Variants in CTNNA2 observed in about 807,000 individuals in gnomAD.
CTNNA2 encodes catenin alpha 2.
A neutral mutation model predicts 101.0 loss-of-function variants in CTNNA2; 42 were observed. The observed-to-expected ratio is 0.42, with a 90% CI of 0.32 to 0.54. CTNNA2 has a LOEUF of 0.54. Ranked by LOEUF, CTNNA2 falls within the 20% of genes least tolerant of loss-of-function variation. CTNNA2 has a pLI of 0.14. For missense variants in CTNNA2, 871 were observed against 1,223.1 expected, an observed-to-expected ratio of 0.71 and a Z score of 4.29; for synonymous variants, 450 against 456.4, an observed-to-expected ratio of 0.99 and a Z score of 0.18.
chr2:79,969,286 C>T (rs1690308671), intron 7 of CTNNA2, among the ~76,000 whole-genome samples: 1 of 152,168 alleles, frequency 6.6e-6, no homozygotes, highest in African/African-American at 2.4e-5. Context: ...TTTGGGGGAA[C>T]AACAAACTAA....
intron 4 of CTNNA2, among the ~76,000 whole-genome samples, chr2:79,467,082 C>G (rs910901288): frequency 6.6e-6 from 1 of 152,148 alleles, no homozygotes; most frequent in African/African-American, 2.4e-5. Context: ...CTTCTCTGAG[C>G]TAAAGGAGGA....
At chr2:80,087,797 T>A (rs189509792) in intron 7 of CTNNA2, among the ~76,000 whole-genome samples, 1 of 151,940 alleles carries the variant, frequency 6.6e-6, no homozygotes, top group East Asian at 1.9e-4. Context: ...CCTCTTGGAG[T>A]AGCAAGGGAG....
At chr2:79,809,417 G>C (rs1676833990) in intron 3 of CTNNA2, among the ~76,000 whole-genome samples, 1 of 152,176 alleles carries the variant, frequency 6.6e-6, no homozygotes, top group Admixed American at 6.5e-5. Context: ...CAGTGTAAAA[G>C]CATTCCTATT....
intron 9 of CTNNA2, among the ~76,000 whole-genome samples, chr2:80,503,781 G>A (rs1688058874): frequency 6.6e-6 from 1 of 152,066 alleles, no homozygotes. Flanking sequence ...GAGGATCAGG[G>A]AAGCTGGAGA....
chr2:80,068,882 A>T (rs1698150216), intron 7 of CTNNA2, among the ~76,000 whole-genome samples: 1 of 152,182 alleles, frequency 6.6e-6, no homozygotes, highest in African/African-American at 2.4e-5. Context: ...TGGTCCATGG[A>T]TGGATGAAAA....
At chr2:79,952,338 A>G (rs1442483219) in intron 7 of CTNNA2, among the ~76,000 whole-genome samples, 1 of 152,136 alleles carries the variant, frequency 6.6e-6, no homozygotes, top group African/African-American at 2.4e-5. Flanking sequence ...AGCAACAACA[A>G]CAACAACCGA....
rs372964896 is a variant in CTNNA2 at position 79,548,327 on chromosome 2, T to C, written c.-6+35120T>C. ...CTTTGTTTTGTGTGAATGTTTCTTA[T>C]CTTAAATGTTTCTTCTCATTTTCCT... On this transcript the variant is annotated intron_variant, in intron 1 of 18. Coordinates refer to ENST00000402739, the MANE Select transcript of CTNNA2 (RefSeq NM_001282597.3). Among the ~76,000 whole-genome samples the C allele has an allele frequency of 8.5e-5, 13 of 152,362 alleles. No individual in the cohort carries two copies. In the East Asian group the frequency reaches 1.7e-3, roughly 20 times the overall value.
At chr2:80,534,001 T>C (rs1362866795) in intron 9 of CTNNA2, among the ~76,000 whole-genome samples, 1 of 152,174 alleles carries the variant, frequency 6.6e-6, no homozygotes, top group Non-Finnish European at 1.5e-5. Flanking sequence ...CATAGATTTA[T>C]GCTGAGTGAT....
intron 7 of CTNNA2, among the ~76,000 whole-genome samples, chr2:80,366,098 C>A (rs1014219995): frequency 2.0e-5 from 3 of 152,100 alleles, no homozygotes; most frequent in African/African-American, 7.2e-5. Context: ...ACTTAACATC[C>A]CAAATACCAG....
intron 9 of CTNNA2, among the ~76,000 whole-genome samples, chr2:80,543,700 T>C (rs1022870947): frequency 1.2e-4 from 18 of 152,180 alleles, no homozygotes; most frequent in Non-Finnish European, 5.9e-5. Flanking sequence ...CCTGTACTCT[T>C]CTCACTATGT....
intron 7 of CTNNA2, among the ~76,000 whole-genome samples, chr2:80,295,112 T>C (rs1033600234): frequency 1.7e-4 from 26 of 151,976 alleles, no homozygotes; most frequent in African/African-American, 6.3e-4. Context: ...AATCTCTCTT[T>C]CTCTCTCTTT....
At chr2:80,505,995 T>A (rs527820698) in intron 9 of CTNNA2, among the ~76,000 whole-genome samples, 1 of 152,220 alleles carries the variant, frequency 6.6e-6, no homozygotes, top group Non-Finnish European at 1.5e-5. Context: ...TTTTACTAGA[T>A]GTCACGTATT....
chr2:79,559,925 AC>A (rs1297342662), intron 1 of CTNNA2, among the ~76,000 whole-genome samples: 2 of 150,582 alleles, frequency 1.3e-5, no homozygotes, highest in Non-Finnish European at 3.0e-5. Flanking sequence ...TCTGAAAAAC[AC>A]CCGATTTACA....
At chr2:79,566,525 A>G (rs1190365868) in intron 1 of CTNNA2, among the ~76,000 whole-genome samples, 8 of 152,166 alleles carry the variant, frequency 5.3e-5, no homozygotes, top group Admixed American at 5.2e-4. Flanking sequence ...GAAATTGTAT[A>G]TTGATATGCA....
At chr2:79,646,524 C>CTTTTTTTTTTTTTTT (rs67454188) in intron 1 of CTNNA2, among the ~76,000 whole-genome samples, 4 of 106,136 alleles carry the variant, frequency 3.8e-5, no homozygotes, top group Non-Finnish European at 5.5e-5. Context: ...TTCTTTCTGT[C>CTTTTTTTTTTTTTTT]TTTTTTTTTT....
intron 4 of CTNNA2, among the ~76,000 whole-genome samples, chr2:79,429,184 A>C (rs78339202): frequency 6.6e-6 from 1 of 152,306 alleles, no homozygotes; most frequent in African/African-American, 2.4e-5. Flanking sequence ...TGTGTACACA[A>C]TTAAAACAAA....
At chr2:79,431,933 C>G (rs1048492465) in intron 4 of CTNNA2, among the ~76,000 whole-genome samples, 5 of 152,118 alleles carry the variant, frequency 3.3e-5, no homozygotes, top group African/African-American at 1.2e-4. Context: ...AATAAAATCT[C>G]CCATGAGGAA....
chr2:79,448,446 T>G (rs952671876), intron 4 of CTNNA2, among the ~76,000 whole-genome samples: 1 of 152,184 alleles, frequency 6.6e-6, no homozygotes, highest in Middle Eastern at 3.4e-3. Context: ...AAACTTTAAT[T>G]TGTGTTCAAA....
chr2:80,150,643 T>G (rs550207317), intron 7 of CTNNA2, among the ~76,000 whole-genome samples: 2 of 152,196 alleles, frequency 1.3e-5, no homozygotes, highest in South Asian at 4.1e-4. Context: ...AGGGGACCAT[T>G]TGGGGAGAAA....
Sources: gnomAD v4.1 joint callset for allele counts (sites outside exome capture counted in the v4.1 genomes callset) on GRCh38, gnomAD v4.1.1 for gene constraint, MANE v1.5 for transcripts, NCBI Gene and HGNC (gene_info 2026-07-23, HGNC 2026-07-21) for gene names.